SHISA9: variants seen among roughly 807,000 people sequenced by gnomAD.
SHISA9 encodes protein shisa-9.
SHISA9 carries 13 observed loss-of-function variants against 38.0 expected under a neutral mutation model. The ratio of observed to expected loss-of-function variants is 0.34; its 90% CI spans 0.22 to 0.54. The LOEUF is 0.54. Among genes scored for constraint, SHISA9 ranks in the 20% least tolerant of loss-of-function variants. The pLI is 0.91. For missense variants in SHISA9, 538 were observed against 575.8 expected (o/e 0.93, Z 0.67); for synonymous variants, 275 against 242.0 (o/e 1.14, Z -1.27).
At chr16:13,383,626 A>G in the SHISA9 span, among the ~76,000 whole-genome samples, 2 of 152,124 alleles carry the variant, frequency 1.3e-5, no homozygotes, top group African/African-American at 2.4e-5. Context: ...ACCAGCCACA[A>G]TTATGTTTGC....
intron 2 of SHISA9, among the ~76,000 whole-genome samples, chr16:13,064,878 G>A (rs1012022780): frequency 2.0e-5 from 3 of 152,148 alleles, no homozygotes; most frequent in Non-Finnish European, 4.4e-5. Context: ...AAGGGAGAGG[G>A]TGAGACACTG....
intron 1 of SHISA9, among the ~76,000 whole-genome samples, chr16:12,903,527 T>A (rs1297087656): frequency 2.0e-5 from 3 of 150,936 alleles, no homozygotes; most frequent in South Asian, 4.2e-4. Flanking sequence ...AAATTTTTTT[T>A]ATTTTAAGTG....
At chr16:13,077,937 GA>G (rs898907954) in intron 2 of SHISA9, among the ~76,000 whole-genome samples, 2 of 151,976 alleles carry the variant, frequency 1.3e-5, no homozygotes, top group Admixed American at 6.6e-5. Flanking sequence ...CTATAATGAT[GA>G]AAAAAATATG....
chr16:13,213,126 C>T (rs1429640084), intron 3 of SHISA9, 127 bp from the exon 4 acceptor site: 9 of 721,512 alleles, frequency 1.2e-5, no homozygotes, highest in African/African-American at 1.2e-4. Context: ...TTCCCTGGGT[C>T]CCCTGAGGCC....
the SHISA9 span, among the ~76,000 whole-genome samples, chr16:13,470,024 G>A: frequency 5.3e-5 from 8 of 152,054 alleles, no homozygotes; most frequent in African/African-American, 7.2e-5. Flanking sequence ...TTCTCTCTTC[G>A]TGATGGAATC....
intron 2 of SHISA9, among the ~76,000 whole-genome samples, chr16:13,030,362 C>G (rs1474865709): frequency 6.6e-6 from 1 of 152,178 alleles, no homozygotes; most frequent in Non-Finnish European, 1.5e-5. Flanking sequence ...AGCCACCCAG[C>G]TTTCTCATTC....
the SHISA9 span, among the ~76,000 whole-genome samples, chr16:13,533,546 C>T: frequency 1.1e-4 from 17 of 152,040 alleles, no homozygotes; most frequent in Non-Finnish European, 2.4e-4. Flanking sequence ...CGTATAAGGA[C>T]CTCTTCATCA....
chr16:13,556,098 A>G, the SHISA9 span, among the ~76,000 whole-genome samples: 1 of 151,986 alleles, frequency 6.6e-6, no homozygotes, highest in Non-Finnish European at 1.5e-5. Flanking sequence ...TTCCGATTCC[A>G]CCCTTTCAAA....
the SHISA9 span, among the ~76,000 whole-genome samples, chr16:13,414,288 C>G: frequency 1.3e-5 from 2 of 152,210 alleles, no homozygotes; most frequent in Admixed American, 6.5e-5. Flanking sequence ...GTGAAAGCAG[C>G]ATGACCCATT....
the SHISA9 span, among the ~76,000 whole-genome samples, chr16:13,532,219 C>T: frequency 6.6e-6 from 1 of 152,148 alleles, no homozygotes; most frequent in East Asian, 1.9e-4. Context: ...AGGTTGTTAA[C>T]CCCCAAGAAC....
the SHISA9 span, among the ~76,000 whole-genome samples, chr16:13,311,373 A>T: frequency 6.6e-6 from 1 of 152,160 alleles, no homozygotes; most frequent in African/African-American, 2.4e-5. Flanking sequence ...TTCATTGTTT[A>T]TTAGAAATAT....
chr16:13,289,527 A>C, the SHISA9 span, among the ~76,000 whole-genome samples: 8 of 151,838 alleles, frequency 5.3e-5, no homozygotes, highest in Non-Finnish European at 7.4e-5. Flanking sequence ...AAAAGCAAAC[A>C]AACAAACAGA....
chr16:13,031,355 C>T (rs1320449364), intron 2 of SHISA9, among the ~76,000 whole-genome samples: 5 of 152,160 alleles, frequency 3.3e-5, no homozygotes, highest in Non-Finnish European at 1.5e-5. Flanking sequence ...TGTATTCAGC[C>T]ATTGCACCCT....
chr16:13,170,218 A>G lies in SHISA9; in HGVS notation c.692-33176A>G, dbSNP rs1311359434. Among the ~76,000 whole-genome samples the G allele has an allele frequency of 2.0e-5, 3 of 151,744 alleles. No homozygotes were observed. The East Asian group carries it at 5.8e-4, about 29-fold the overall frequency. On this transcript the variant is annotated intron_variant, in intron 2 of 4. Coordinates refer to ENST00000558583, the MANE Select transcript of SHISA9 (RefSeq NM_001145204.3). ...ACTCCATCTCAAAAAAAAAAAAAAA[A>G]AAGAAAAGAAAAGTAAAATATATGT...
chr16:13,130,189 A>G (rs1382956371), intron 2 of SHISA9, among the ~76,000 whole-genome samples: 1 of 152,184 alleles, frequency 6.6e-6, no homozygotes, highest in Non-Finnish European at 1.5e-5. Context: ...GGACATCAAT[A>G]TGACATAGCC....
intron 2 of SHISA9, among the ~76,000 whole-genome samples, chr16:13,175,115 T>C (rs2142024926): frequency 6.6e-6 from 1 of 151,778 alleles, no homozygotes; most frequent in Non-Finnish European, 1.5e-5. Flanking sequence ...GCCTGTAGTC[T>C]CAGCACTTTG....
At chr16:12,985,461 T>G (rs2072295855) in intron 2 of SHISA9, among the ~76,000 whole-genome samples, 1 of 152,130 alleles carries the variant, frequency 6.6e-6, no homozygotes, top group Admixed American at 6.5e-5. Context: ...ACTTGTGAGG[T>G]TGGACAAATC....
intron 3 of SHISA9, among the ~76,000 whole-genome samples, chr16:13,208,443 C>CTTTTTTTTTTTTTTTTTT (rs71395107): frequency 8.0e-6 from 1 of 125,080 alleles, no homozygotes; most frequent in Non-Finnish European, 1.6e-5. Flanking sequence ...CTTTTTTTTT[C>CTTTTTTTTTTTTTTTTTT]TTTTTTTTTT....
chr16:13,562,313 C>T, the SHISA9 span, among the ~76,000 whole-genome samples: 1 of 152,094 alleles, frequency 6.6e-6, no homozygotes, highest in Non-Finnish European at 1.5e-5. Flanking sequence ...AATGAAAATG[C>T]AGTGTAAGTA....
Sources: gnomAD v4.1 joint callset for allele counts (sites outside exome capture counted in the v4.1 genomes callset) on GRCh38, gnomAD v4.1.1 for gene constraint, MANE v1.5 for transcripts, NCBI Gene and HGNC (gene_info 2026-07-23, HGNC 2026-07-21) for gene names.